The following ALMS1 variants were observed in gnomAD, a reference collection of about 807,000 sequenced individuals.
The protein encoded by ALMS1 is ALMS1 centrosome and basal body associated protein.
ALMS1 carries 271 observed loss-of-function variants against 352.2 expected under a neutral mutation model. The ratio of observed to expected loss-of-function variants is 0.77; its 90% CI spans 0.70 to 0.85. The LOEUF is 0.85. Ranked by LOEUF, ALMS1 falls within the 40% of genes least tolerant of loss-of-function variation. The pLI is 0.00. For synonymous variants in ALMS1, 1,865 were observed against 1,761.2 expected (o/e 1.06, Z -1.48); for missense variants, 5,445 against 4,870.7 (o/e 1.12, Z -3.51).
At chr2:73,403,179 C>T (rs533439080) in intron 1 of ALMS1, among the ~76,000 whole-genome samples, 1 of 152,254 alleles carries the variant, frequency 6.6e-6, no homozygotes, top group South Asian at 2.1e-4. Flanking sequence ...ATGTTGAGTT[C>T]TTTAATCAAC....
chr2:73,553,840 G>C (rs1674488523), intron 13 of ALMS1, among the ~76,000 whole-genome samples: 1 of 152,084 alleles, frequency 6.6e-6, no homozygotes, highest in Non-Finnish European at 1.5e-5. Context: ...TTAGTATATA[G>C]TATAAGAATA....
intron 7 of ALMS1, among the ~76,000 whole-genome samples, chr2:73,445,954 A>G (rs539214325): frequency 1.3e-5 from 2 of 152,274 alleles, no homozygotes; most frequent in East Asian, 3.8e-4. Flanking sequence ...GACTCTAAAA[A>G]CATACCATTT....
chr2:73,590,151 C>T (rs541507482), intron 16 of ALMS1, among the ~76,000 whole-genome samples: 26 of 151,800 alleles, frequency 1.7e-4, no homozygotes, highest in African/African-American at 5.3e-4. Context: ...GTGCTTTCAA[C>T]CAGAATACAT....
intron 8 of ALMS1, chr2:73,454,498 C>A: frequency 2.6e-6 from 1 of 390,888 alleles, no homozygotes; most frequent in Non-Finnish European, 3.5e-6. Flanking sequence ...GCTTTTTGTC[C>A]TAAAACTACA....
chr2:73,526,970 T>C (rs563994721), intron 11 of ALMS1, among the ~76,000 whole-genome samples: 34 of 152,320 alleles, frequency 2.2e-4, no homozygotes, highest in African/African-American at 7.9e-4. Context: ...TTTCAGGGTT[T>C]TTATCACGAA....
intron 21 of ALMS1, among the ~76,000 whole-genome samples, chr2:73,607,769 G>A (rs1573060753): frequency 6.6e-6 from 1 of 151,286 alleles, no homozygotes; most frequent in East Asian, 1.9e-4. Context: ...TCAGCCTCCT[G>A]AGTAGCTGAG....
Position 73,419,154 on chromosome 2 carries a change from A to C in ALMS1, c.482A>C (p.Glu161Ala). Residue 161 changes from glutamate (E) to alanine (A), a missense_variant, in exon 3 of 23, where the codon GAA becomes GCA. Transcript: ENST00000613296. ...GAATCTTGGCATTGTCTTCCTCAAGAAATGGACTCTTCCCAAACCTTGGAT... is the reference window on the plus strand; with the variant it reads ...GAATCTTGGCATTGTCTTCCTCAAGCAATGGACTCTTCCCAAACCTTGGAT... ...KTESWHCLPQ[E>A]MDSSQTLDTS... The C allele has an allele frequency of 1.2e-6, 2 of 1,614,082 alleles. No homozygotes were observed. Among genetic ancestry groups the C allele is most frequent in the Non-Finnish European group, 1.7e-6 (2 of 1,179,976 alleles).
Position 73,550,003 on chromosome 2 carries a change from G to A in ALMS1, c.9908-264G>A, listed in dbSNP as rs567939835. On this transcript the variant is annotated intron_variant, in intron 12 of 22. Coordinates refer to ENST00000613296, the MANE Select transcript of ALMS1 (RefSeq NM_001378454.1). Reference sequence around the variant, plus strand: ...GCCTCCCAAGTAGCTGGGATTACACGCACCTGCCACCACGCCTGGCTAATT... The same window carrying A: ...GCCTCCCAAGTAGCTGGGATTACACACACCTGCCACCACGCCTGGCTAATT... Among the ~76,000 whole-genome samples, 70 of 152,202 alleles carry A rather than the reference G, an allele frequency of 4.6e-4. 2 individuals are homozygous for A. The highest frequency in any genetic ancestry group is 1.5e-3 in the African/African-American group (64 of 41,536).
At chr2:73,578,900 A>G (rs1206710494) in intron 16 of ALMS1, among the ~76,000 whole-genome samples, 3 of 148,724 alleles carry the variant, frequency 2.0e-5, no homozygotes, top group African/African-American at 7.8e-5. Flanking sequence ...CCTTATTTCT[A>G]TGTATATGCC....
Position 73,491,254 on chromosome 2 carries a change from T to C in ALMS1, c.9295T>C (p.Ser3099Pro), listed in dbSNP as rs1672979465. The C allele has an allele frequency of 1.9e-6, 3 of 1,613,974 alleles. No individual in the cohort carries two copies. Among genetic ancestry groups the C allele is most frequent in the Non-Finnish European group, 2.5e-6 (3 of 1,180,006 alleles). Residue 3099 changes from serine (S) to proline (P), a missense_variant, in exon 10 of 23, where the codon TCC becomes CCC. Coordinates refer to ENST00000613296, the MANE Select transcript of ALMS1 (RefSeq NM_001378454.1). ...TVSSRSLEPT[S>P]KLLTSKPVAQ... ...ATCTTCGAGATCACTGGAACCAACCTCCAAATTATTGACCAGTAAACCTGT... is the reference window on the plus strand; with the variant it reads ...ATCTTCGAGATCACTGGAACCAACCCCCAAATTATTGACCAGTAAACCTGT...
chr2:73,499,378 C>G (rs1180696256), intron 10 of ALMS1, among the ~76,000 whole-genome samples: 1 of 152,174 alleles, frequency 6.6e-6, no homozygotes, highest in African/African-American at 2.4e-5. Context: ...TGTCCATTTT[C>G]GCTTTGGTTA....
At chr2:73,464,706 C>T (rs1364342627) in intron 9 of ALMS1, among the ~76,000 whole-genome samples, 3 of 152,152 alleles carry the variant, frequency 2.0e-5, no homozygotes, top group African/African-American at 7.2e-5. Context: ...CCCGTTGTCT[C>T]AGCCCAAAAT....
At position 73,419,240 on chromosome 2, in the gene ALMS1, C is replaced by A. The variant is rs375838474; in HGVS notation, c.568C>A (p.Leu190Met). Residue 190 changes from leucine (L) to methionine (M), a missense_variant, in exon 3 of 23, where the codon CTG becomes ATG. Leu to Met is a conservative substitution (Grantham distance 15). Coordinates refer to ENST00000613296, the MANE Select transcript of ALMS1 (RefSeq NM_001378454.1). ...TACTGAAGTGACAGACTTCCCCTCT[C>A]TGGAGGAGGGCATATTGACGCAATC... ...EDTEVTDFPS[L>M]EEGILTQSEN... 3.2e-5 allele frequency: 52 copies of A among 1,613,902 alleles called. No individual in the cohort carries two copies. In the East Asian group the frequency reaches 5.6e-4, roughly 17 times the overall value.
At chr2:73,446,118 G>A (rs931899844) in intron 7 of ALMS1, among the ~76,000 whole-genome samples, 1 of 151,946 alleles carries the variant, frequency 6.6e-6, no homozygotes, top group Non-Finnish European at 1.5e-5. Context: ...CTCCTCCCTC[G>A]CTTTTAACAG....
intron 2 of ALMS1, among the ~76,000 whole-genome samples, chr2:73,412,764 C>G (rs1558634805): frequency 6.6e-6 from 1 of 152,136 alleles, no homozygotes; most frequent in Non-Finnish European, 1.5e-5. Flanking sequence ...CCAGTGCACT[C>G]TGGCCTGGGT....
At chr2:73,424,136 A>G (rs1195043916) in intron 4 of ALMS1, among the ~76,000 whole-genome samples, 1 of 152,188 alleles carries the variant, frequency 6.6e-6, no homozygotes, top group Non-Finnish European at 1.5e-5. Context: ...CGCAGGTTAA[A>G]TGAAAAATCA....
rs114375547 is a variant in ALMS1, at chr2:73,603,328, C to T, written c.12362+24C>T. Reference sequence around the variant, plus strand: ...CGGTAAGACCAAGAAAACAAGAGTACGTATACAAGTGTAAACCAGGCCACC... The same window carrying T: ...CGGTAAGACCAAGAAAACAAGAGTATGTATACAAGTGTAAACCAGGCCACC... On this transcript the variant is annotated intron_variant, in intron 21 of 22. Coordinates refer to ENST00000613296, the MANE Select transcript of ALMS1 (RefSeq NM_001378454.1). The T allele has an allele frequency of 0.021, 33,829 of 1,606,382 alleles. 2,322 individuals are homozygous for T. Among genetic ancestry groups the T allele is most frequent in the African/African-American group, 0.19 (14,113 of 73,386 alleles).
chr2:73,422,637 G>T (rs937233194), intron 3 of ALMS1, among the ~76,000 whole-genome samples: 4 of 152,014 alleles, frequency 2.6e-5, no homozygotes, highest in African/African-American at 9.7e-5. Context: ...ATCTTTCAAG[G>T]TTGTCATGAG....
At chr2:73,491,982 C>A (rs1673000194) in intron 10 of ALMS1, among the ~76,000 whole-genome samples, 1 of 152,114 alleles carries the variant, frequency 6.6e-6, no homozygotes, top group African/African-American at 2.4e-5. Flanking sequence ...AAAATCCTGG[C>A]AGATACCAGT....
Sources: gnomAD v4.1 joint callset for allele counts (sites outside exome capture counted in the v4.1 genomes callset) on GRCh38, gnomAD v4.1.1 for gene constraint, MANE v1.5 for transcripts, NCBI Gene and HGNC (gene_info 2026-07-23, HGNC 2026-07-21) for gene names.